HIP1: variants seen among roughly 807,000 people sequenced by gnomAD.
The protein encoded by HIP1 is huntingtin interacting protein 1.
A neutral mutation model predicts 147.6 loss-of-function variants in HIP1; 65 were observed. That is an observed-to-expected ratio of 0.44 (90% CI 0.36 to 0.54). The LOEUF (loss-of-function observed/expected upper bound fraction) is 0.54, where lower values mean the gene tolerates loss of function less well. Ranked by LOEUF, HIP1 falls within the 20% of genes least tolerant of loss-of-function variation. The pLI, the probability that HIP1 is intolerant of heterozygous loss-of-function variation, is 0.00. For synonymous variants in HIP1, 479 were observed against 504.0 expected, an observed-to-expected ratio of 0.95 and a Z score of 0.67; for missense variants, 1,061 against 1,299.6, an observed-to-expected ratio of 0.82 and a Z score of 2.82.
intron 1 of HIP1, chr7:75,654,737 G>C (rs2117196610): frequency 6.6e-6 from 1 of 152,300 alleles, no homozygotes; most frequent in African/African-American, 2.4e-5. Context: ...AATTAAACAG[G>C]GGCTGGCCAC....
chr7:75,623,170 C>T (rs1192367383), intron 1 of HIP1, among the ~76,000 whole-genome samples: 1 of 146,830 alleles, frequency 6.8e-6, no homozygotes, highest in East Asian at 2.0e-4. Flanking sequence ...TGCACTCCAG[C>T]CTGGGCAACA....
intron 8 of HIP1, among the ~76,000 whole-genome samples, chr7:75,570,385 G>T (rs1002082879): frequency 1.3e-5 from 2 of 150,196 alleles, no homozygotes; most frequent in Non-Finnish European, 3.0e-5. Flanking sequence ...TCCACCTCCA[G>T]GGCTCACACC....
At chr7:75,592,733 G>A (rs1584849384) in intron 2 of HIP1, among the ~76,000 whole-genome samples, 1 of 152,126 alleles carries the variant, frequency 6.6e-6, no homozygotes, top group Admixed American at 6.6e-5. Context: ...AGGGAGCGCC[G>A]CTCAGAGCTA....
At chr7:75,549,338 TTTTC>T (rs1400976121) in intron 22 of HIP1, among the ~76,000 whole-genome samples, 1 of 151,244 alleles carries the variant, frequency 6.6e-6, no homozygotes, top group African/African-American at 2.4e-5. Context: ...TTTTTACAAT[TTTTC>T]TTTTTCTTTT....
chr7:75,544,225 G>A (rs1554490477), intron 27 of HIP1, among the ~76,000 whole-genome samples: 4 of 151,028 alleles, frequency 2.6e-5, no homozygotes, highest in African/African-American at 7.3e-5. Context: ...ACCCTTAACA[G>A]GGTGAATTTT....
intron 1 of HIP1, among the ~76,000 whole-genome samples, chr7:75,692,449 C>A (rs1800492048): frequency 6.6e-6 from 1 of 150,644 alleles, no homozygotes; most frequent in African/African-American, 2.4e-5. Context: ...GAGACAGATT[C>A]TTGTTCTATC....
rs587732122 is a variant in HIP1, at chr7:75,550,770, T to C, written c.2296-1769A>G. Among the ~76,000 whole-genome samples the C allele has an allele frequency of 2.0e-5, 3 of 152,336 alleles. No individual in the cohort carries two copies. In the East Asian group the frequency reaches 5.8e-4, roughly 29 times the overall value. On this transcript the variant is annotated intron_variant, in intron 22 of 30. Transcript: ENST00000336926. ...TAGATGCATCCCTATTAAGTTTGAA[T>C]GTTTGAGTCTTTATATAAAAGGAAT...
intron 1 of HIP1, among the ~76,000 whole-genome samples, chr7:75,653,676 T>A (rs948086859): frequency 1.3e-5 from 2 of 151,898 alleles, no homozygotes; most frequent in Non-Finnish European, 2.9e-5. Context: ...CTGGCCAACA[T>A]GGTAAAACAC....
chr7:75,658,556 G>T (rs113008202), intron 1 of HIP1, among the ~76,000 whole-genome samples: 3,114 of 152,198 alleles, frequency 0.02, 54 homozygotes, highest in Middle Eastern at 0.099. Flanking sequence ...AGAGGTCGCT[G>T]GGTTTGGGTA....
chr7:75,568,287 G>A lies in HIP1; in HGVS notation c.746-31C>T. The A allele has an allele frequency of 6.6e-7, 1 of 1,523,188 alleles. No individual in the cohort carries two copies. The highest frequency in any genetic ancestry group is 2.3e-5 in the East Asian group (1 of 44,444). 94.4% of individuals were successfully genotyped at this position (1,523,188 alleles called of 1,614,324 possible). On this transcript the variant is annotated intron_variant, in intron 8 of 30. Transcript: ENST00000336926. This position sits in a 1 kb window ranked among gnomAD's most constrained non-coding sequence, Gnocchi z 4.1. ...AGAAATTGGAAAGAGTGTGAGAGGG[G>A]AGGGGGACCAGAGGGCAGGGAAGCC...
intron 1 of HIP1, among the ~76,000 whole-genome samples, chr7:75,656,697 G>A (rs1181068768): frequency 5.3e-5 from 8 of 152,144 alleles, no homozygotes; most frequent in African/African-American, 9.6e-5. Context: ...GGCTGGTCTC[G>A]AACTCCCGAC....
chr7:75,737,637 C>T (rs1270168770), intron 1 of HIP1, among the ~76,000 whole-genome samples: 9 of 152,150 alleles, frequency 5.9e-5, no homozygotes, highest in Non-Finnish European at 8.8e-5. Context: ...TGAGGTACCG[C>T]GCCCGGCCAA....
chr7:75,556,936 C>G (rs1353411092), intron 16 of HIP1, 125 bp from the exon 17 acceptor site: 1 of 595,768 alleles, frequency 1.7e-6, no homozygotes, highest in Admixed American at 3.0e-5. Flanking sequence ...AGTTACACCC[C>G]CCCAAAAAAG....
chr7:75,664,155 T>C (rs1414959272), intron 1 of HIP1, among the ~76,000 whole-genome samples: 2 of 45,648 alleles, frequency 4.4e-5, no homozygotes, highest in Non-Finnish European at 8.8e-5. Flanking sequence ...TACATGTATG[T>C]GTGTATATTT....
chr7:75,556,908 TAA>T, intron 16 of HIP1, 97 bp from the exon 17 acceptor site: 1 of 773,594 alleles, frequency 1.3e-6, no homozygotes, highest in East Asian at 2.5e-5. Context: ...AAGAGATCTG[TAA>T]ACTCTACTGT....
chr7:75,706,617 C>T (rs908100199), intron 1 of HIP1, among the ~76,000 whole-genome samples: 8 of 132,032 alleles, frequency 6.1e-5, no homozygotes, highest in Middle Eastern at 3.8e-3. Flanking sequence ...CACCCATCAA[C>T]TCGTCATTTT....
At chr7:75,565,742 T>A (rs1313620286) in intron 9 of HIP1, among the ~76,000 whole-genome samples, 1 of 151,828 alleles carries the variant, frequency 6.6e-6, no homozygotes, top group Non-Finnish European at 1.5e-5. Context: ...CTTTCCTTTT[T>A]TTTTTTTTGG....
At chr7:75,672,649 T>C (rs782655554) in intron 1 of HIP1, among the ~76,000 whole-genome samples, 16 of 152,162 alleles carry the variant, frequency 1.1e-4, no homozygotes, top group Non-Finnish European at 2.4e-4. Flanking sequence ...CTCGACAGTG[T>C]CCTTTGAAGC....
chr7:75,589,858 G>A (rs1796434287), intron 4 of HIP1, among the ~76,000 whole-genome samples: 1 of 151,696 alleles, frequency 6.6e-6, no homozygotes. Context: ...AGCCTCCTGA[G>A]TAGCTGGGAC....
Sources: allele counts gnomAD v4.1 joint callset (sites outside exome capture counted in the v4.1 genomes callset), GRCh38; gene constraint gnomAD v4.1.1; non-coding constraint Gnocchi (gnomAD v3.1); transcripts MANE v1.5; gene names NCBI Gene and HGNC (gene_info 2026-07-23, HGNC 2026-07-21).